EDA: variants seen among roughly 807,000 people sequenced by gnomAD.
EDA encodes the protein ectodysplasin-A.
Under a neutral mutation model 23.6 loss-of-function variants are expected in EDA, and 2 were observed. The ratio of observed to expected loss-of-function variants is 0.08; its 90% CI spans 0.03 to 0.27. The LOEUF is 0.27. Among genes scored for constraint, EDA ranks in the 10% least tolerant of loss-of-function variants. The pLI, the probability that EDA is intolerant of heterozygous loss-of-function variation, is 1.00. For synonymous variants in EDA, 131 were observed against 132.0 expected (o/e 0.99, Z 0.05); for missense variants, 229 against 324.2 (o/e 0.71, Z 2.26).
rs995867725 is a variant in EDA, at chrX:69,699,035, C to G, written c.396+82331C>G. Among the ~76,000 whole-genome samples, 6 of 111,218 alleles carry G rather than the reference C, an allele frequency of 5.4e-5. No individual in the cohort carries two copies. The South Asian group carries it at 2.3e-3, about 43-fold the overall frequency. ...GAGTGAAGTCTACTTGCCAATCTTGCCCGGGTGCCTGGCCCCGGGCTTGGT... is the reference window on the plus strand; with the variant it reads ...GAGTGAAGTCTACTTGCCAATCTTGGCCGGGTGCCTGGCCCCGGGCTTGGT... On this transcript the variant is annotated intron_variant, in intron 1 of 7. Coordinates refer to ENST00000374552, the MANE Select transcript of EDA (RefSeq NM_001399.5).
chrX:69,863,629 ATG>A (rs72197881), intron 1 of EDA, among the ~76,000 whole-genome samples: 23,219 of 88,767 alleles, frequency 0.26, 2,264 homozygotes, highest in African/African-American at 0.33. Context: ...GTGTGTATTT[ATG>A]TGTGTGTGTA....
chrX:69,705,210 T>G (rs1602315123), intron 1 of EDA, among the ~76,000 whole-genome samples: 1 of 78,238 alleles, frequency 1.3e-5, no homozygotes, highest in Non-Finnish European at 2.4e-5. Context: ...GCTACAAGAG[T>G]GAAACTCCAT....
intron 1 of EDA, among the ~76,000 whole-genome samples, chrX:69,747,479 G>C (rs1358186251): frequency 8.9e-6 from 1 of 112,614 alleles, no homozygotes; most frequent in Admixed American, 9.4e-5. Context: ...TCTGAGTGCA[G>C]TTAAAAGATA....
At position 70,033,433 on chromosome X, in the gene EDA, A is replaced by C; in HGVS notation, c.829A>C (p.Ile277Leu). ...SGGVLNDWSRITMNPKVFKLH... is the reference protein window; with the variant it reads ...SGGVLNDWSRLTMNPKVFKLH... The stretch of plus-strand genomic sequence containing the variant: ...TGGAGTGCTCAATGACTGGTCTCGC[A>C]TCACTATGAACCCCAAGGTGTTTAA... Residue 277 changes from isoleucine to leucine, a missense_variant, in exon 7 of 8, where the codon ATC becomes CTC. Ile to Leu is a conservative substitution (Grantham distance 5). This residue lies in a region of EDA where 175 missense variants were observed against 281.8 expected (regional missense o/e 0.62). Coordinates refer to ENST00000374552, the MANE Select transcript of EDA (RefSeq NM_001399.5). 1 of 1,212,051 alleles carries C rather than the reference A, an allele frequency of 8.3e-7. No homozygotes were observed.
At chrX:69,832,567 T>A (rs1390785126) in intron 1 of EDA, among the ~76,000 whole-genome samples, 2 of 112,060 alleles carry the variant, frequency 1.8e-5, no homozygotes, top group African/African-American at 3.2e-5. Context: ...TTTTTCCAAT[T>A]CTGTGAAGAA....
Position 69,767,616 on chromosome X carries a change from C to A in EDA, c.396+150912C>A, listed in dbSNP as rs187163814. ...TGTGACAATTCATTTTTCCTTTCAACTGTTGATAAACATGTGACTTGTTTC... is the reference window on the plus strand; with the variant it reads ...TGTGACAATTCATTTTTCCTTTCAAATGTTGATAAACATGTGACTTGTTTC... On this transcript the variant is annotated intron_variant, in intron 1 of 7. Coordinates refer to ENST00000374552, the MANE Select transcript of EDA (RefSeq NM_001399.5). 7.7e-3 allele frequency among the ~76,000 whole-genome samples: 866 copies of A among 111,796 alleles called. 2 individuals carry two copies. Among genetic ancestry groups the A allele is most frequent in the Middle Eastern group, 0.023 (5 of 216 alleles).
intron 2 of EDA, among the ~76,000 whole-genome samples, chrX:69,990,266 T>C (rs1225947807): frequency 9.0e-6 from 1 of 110,828 alleles, no homozygotes; most frequent in Non-Finnish European, 1.9e-5. Context: ...CTGGTAGAAG[T>C]GGAAGTGTAG....
At chrX:69,910,291 A>G in intron 1 of EDA, among the ~76,000 whole-genome samples, 1 of 106,983 alleles carries the variant, frequency 9.3e-6, no homozygotes. Context: ...CATTGCACCC[A>G]CCTACTAATA....
rs2018697985 is a variant in EDA at position 69,937,888 on chromosome X, G to T, written c.397-19139G>T. On this transcript the variant is annotated intron_variant, in intron 1 of 7. Transcript: ENST00000374552. The stretch of plus-strand genomic sequence containing the variant: ...CCAGTGGGTCTTGCAACCACACCTG[G>T]AAACTCGGTGTCCATAGCAACGTAA... The T allele has an allele frequency of 8.3e-6, 10 of 1,198,289 alleles. No individual in the cohort carries two copies. In the Admixed American group the frequency reaches 2.0e-4, roughly 24 times the overall value.
intron 1 of EDA, among the ~76,000 whole-genome samples, chrX:69,886,613 G>A (rs2017832849): frequency 9.0e-6 from 1 of 111,042 alleles, no homozygotes; most frequent in Non-Finnish European, 1.9e-5. Context: ...CACATACCTA[G>A]TAACAGGCCT....
At chrX:69,782,690 A>G (rs1313934952) in intron 1 of EDA, among the ~76,000 whole-genome samples, 1 of 112,009 alleles carries the variant, frequency 8.9e-6, no homozygotes, top group African/African-American at 3.2e-5. Context: ...GAGCGGGCCA[A>G]TAAAGCGTCT....
intron 1 of EDA, chrX:69,937,326 G>T: frequency 1.6e-6 from 1 of 635,912 alleles, no homozygotes; most frequent in East Asian, 3.2e-5. Flanking sequence ...TGTCAGCAAT[G>T]ATTTAGATCC....
At position 69,771,335 on chromosome X, in the gene EDA, C is replaced by T. The variant is rs971467233; in HGVS notation, c.396+154631C>T. ...GGCCTCCCAAAGTGCTGGGATTACA[C>T]GCGTGAGCCACCACACCTGGCCAAG... On this transcript the variant is annotated intron_variant, in intron 1 of 7. Transcript: ENST00000374552. 9.0e-5 allele frequency among the ~76,000 whole-genome samples: 10 copies of T among 110,887 alleles called. 1 individual carries two copies. The highest frequency in any genetic ancestry group is 2.9e-4 in the Admixed American group (3 of 10,445).
chrX:69,774,912 A>T (rs1195180866), intron 1 of EDA, among the ~76,000 whole-genome samples: 1 of 111,397 alleles, frequency 9.0e-6, no homozygotes, highest in Non-Finnish European at 1.9e-5. Context: ...GAACAGAGGC[A>T]TTAAAGAATG....
intron 1 of EDA, among the ~76,000 whole-genome samples, chrX:69,634,946 TG>T (rs961066874): frequency 7.1e-5 from 8 of 112,295 alleles, no homozygotes. Context: ...TATTTACTAT[TG>T]TGTTACAATT....
intron 1 of EDA, among the ~76,000 whole-genome samples, chrX:69,854,182 C>CA (rs1296104256): frequency 1.8e-5 from 2 of 110,291 alleles, no homozygotes; most frequent in African/African-American, 6.6e-5. Context: ...CGACAGGCCC[C>CA]ACTGTGGTTT....
At chrX:69,904,179 T>C (rs1413587580) in intron 1 of EDA, among the ~76,000 whole-genome samples, 1 of 111,943 alleles carries the variant, frequency 8.9e-6, no homozygotes, top group African/African-American at 3.2e-5. Context: ...ATATCAGTCA[T>C]CTCAAGCATT....
intron 2 of EDA, among the ~76,000 whole-genome samples, chrX:70,007,909 A>G (rs2019824841): frequency 8.9e-6 from 1 of 112,093 alleles, no homozygotes; most frequent in African/African-American, 3.2e-5. Context: ...TAATTTCTAA[A>G]TTCCAGTTGG....
At chrX:69,830,452 A>G (rs2016580927) in intron 1 of EDA, among the ~76,000 whole-genome samples, 1 of 111,809 alleles carries the variant, frequency 8.9e-6, no homozygotes, top group African/African-American at 3.2e-5. Context: ...TGTTATTATT[A>G]TGGCTTTTAA....
Sources: gnomAD v4.1 joint callset for allele counts (sites outside exome capture counted in the v4.1 genomes callset) on GRCh38, gnomAD v4.1.1 for gene constraint, gnomAD v4.1.1 regional missense constraint, MANE v1.5 for transcripts, NCBI Gene and HGNC (gene_info 2026-07-23, HGNC 2026-07-21) for gene names.